Variants in RHBDL2 observed in about 807,000 individuals in gnomAD.
The protein encoded by RHBDL2 is rhomboid like 2.
A neutral mutation model predicts 31.7 loss-of-function variants in RHBDL2; 26 were observed. That is an observed-to-expected ratio of 0.82 (90% confidence interval 0.60 to 1.14). RHBDL2 has a LOEUF of 1.14. Ranked by LOEUF, RHBDL2 falls within the 50% of genes most tolerant of loss-of-function variation. The pLI is 0.00. For synonymous variants in RHBDL2, 123 were observed against 127.2 expected (o/e 0.97, Z 0.22); for missense variants, 336 against 364.4 (o/e 0.92, Z 0.63).
At chr1:38,938,043 T>C (rs1200759326) in intron 1 of RHBDL2, among the ~76,000 whole-genome samples, 1 of 151,430 alleles carries the variant, frequency 6.6e-6, no homozygotes, top group Non-Finnish European at 1.5e-5. Context: ...TTTGAGACAG[T>C]GTCTCACTCT....
At chr1:38,911,274 T>A (rs761736398) in intron 4 of RHBDL2, 48 bp downstream of exon 4, 1 of 1,269,026 alleles carries the variant, frequency 7.9e-7, no homozygotes, top group South Asian at 1.2e-5. Flanking sequence ...TTGCTTTTAA[T>A]CCTAAGAGCC....
rs1361469812 is a variant in RHBDL2, at chr1:38,886,563, A to G, written c.853T>C (p.Tyr285His). The G allele has an allele frequency of 6.2e-7, 1 of 1,605,500 alleles. No individual in the cohort carries two copies. The highest frequency in any genetic ancestry group is 8.5e-7 in the Non-Finnish European group (1 of 1,174,828). ...DPRFWIAIAA[Y>H]LACVLFAVFF... Reference sequence around the variant, plus strand: ...ACAGCAAATAAGACACAAGCTAAATATGCAGCAATTGCTATCCAAAACCTT... The same window carrying G: ...ACAGCAAATAAGACACAAGCTAAATGTGCAGCAATTGCTATCCAAAACCTT... Residue 285 changes from tyrosine (Y) to histidine (H), a missense_variant, in exon 8 of 8, where the codon TAT becomes CAT. Physicochemically the swap from Tyr to His is moderately conservative, Grantham distance 83. Transcript: ENST00000372990.
At chr1:38,901,946 C>T (rs1188334740) in intron 4 of RHBDL2, among the ~76,000 whole-genome samples, 1 of 151,514 alleles carries the variant, frequency 6.6e-6, no homozygotes, top group African/African-American at 2.4e-5. Context: ...AATCCTTTCT[C>T]AATAATTTAT....
intron 1 of RHBDL2, among the ~76,000 whole-genome samples, chr1:38,923,265 C>A (rs1207092985): frequency 6.6e-6 from 1 of 152,116 alleles, no homozygotes; most frequent in African/African-American, 2.4e-5. Flanking sequence ...AGAAATCCAC[C>A]CTTCAAAGGT....
chr1:38,922,604 T>C (rs1285928905), intron 1 of RHBDL2, among the ~76,000 whole-genome samples: 1 of 133,888 alleles, frequency 7.5e-6, no homozygotes, highest in East Asian at 2.1e-4. Context: ...ATCCTCCAAC[T>C]TCCATACCTC....
chr1:38,890,567 G>A (rs569339004), intron 6 of RHBDL2, among the ~76,000 whole-genome samples: 12 of 152,036 alleles, frequency 7.9e-5, no homozygotes, highest in Admixed American at 3.3e-4. Flanking sequence ...GCTTCCTAGG[G>A]GACTTTTCTT....
chr1:38,911,534 T>A, intron 3 of RHBDL2, 100 bp from the exon 4 acceptor site: 2 of 749,254 alleles, frequency 2.7e-6, no homozygotes, highest in Non-Finnish European at 4.5e-6. Flanking sequence ...TAGTTAAGGA[T>A]TTGCTTAACT....
chr1:38,940,575 G>T lies in RHBDL2; in HGVS notation c.-126+1107C>A, dbSNP rs139683155. Among the ~76,000 whole-genome samples, 366 of 152,186 alleles carry T rather than the reference G, an allele frequency of 2.4e-3. 1 individual carries two copies. Among genetic ancestry groups the T allele is most frequent in the African/African-American group, 8.1e-3 (337 of 41,528 alleles). On this transcript the variant is annotated intron_variant, in intron 1 of 7. Coordinates refer to ENST00000372990, the MANE Select transcript of RHBDL2 (RefSeq NM_017821.5). ...CTGCCTACGTGCTTTCAAGGCCAGG[G>T]GTTGTCTAGCATATCTTTACAAGCC...
intron 1 of RHBDL2, among the ~76,000 whole-genome samples, chr1:38,934,995 G>A (rs1256856944): frequency 6.6e-6 from 1 of 151,700 alleles, no homozygotes; most frequent in Non-Finnish European, 1.5e-5. Flanking sequence ...GCTCTGTTCT[G>A]TCTCATACAT....
In RHBDL2 at chr1:38,896,048, A is replaced by G. The variant is rs1167350384; in HGVS notation, c.530T>C (p.Phe177Ser). The G allele has an allele frequency of 6.2e-7, 1 of 1,613,698 alleles. No homozygotes were observed. The change falls in exon 5 of 8, where the codon TTT becomes TCT. Residue 177 changes from phenylalanine to serine, a missense_variant. Phe to Ser is a radical substitution (Grantham distance 155, BLOSUM62 -2). Coordinates refer to ENST00000372990, the MANE Select transcript of RHBDL2 (RefSeq NM_017821.5). ...TCCCACAAGATATCTGAGTGGGTCA[A>G]AGATGGAGCTGGCAAGGGACCCTAA... ...VIAGSLASSI[F>S]DPLRYLVGAS...
At chr1:38,916,078 T>A (rs559868573) in intron 2 of RHBDL2, among the ~76,000 whole-genome samples, 2 of 152,186 alleles carry the variant, frequency 1.3e-5, no homozygotes, top group East Asian at 3.9e-4. Flanking sequence ...GCTATGAAAG[T>A]AGGTCAATGC....
chr1:38,913,198 G>A (rs1384734470), intron 3 of RHBDL2, among the ~76,000 whole-genome samples: 1 of 151,838 alleles, frequency 6.6e-6, no homozygotes, highest in African/African-American at 2.4e-5. Context: ...GGCCAGGCTG[G>A]TCTCAAACTC....
intron 5 of RHBDL2, among the ~76,000 whole-genome samples, chr1:38,894,729 A>G (rs1225874340): frequency 1.3e-5 from 1 of 79,500 alleles, no homozygotes; most frequent in African/African-American, 5.1e-5. Flanking sequence ...TTTTTTTGAG[A>G]CAGAGTCTTG....
chr1:38,922,416 C>T (rs546274362), intron 1 of RHBDL2, among the ~76,000 whole-genome samples: 2 of 78,190 alleles, frequency 2.6e-5, no homozygotes, highest in Non-Finnish European at 4.9e-5. Flanking sequence ...TGCAAGCACA[C>T]ACACCACCAT....
intron 4 of RHBDL2, among the ~76,000 whole-genome samples, chr1:38,909,925 T>C (rs974228726): frequency 3.3e-5 from 5 of 152,142 alleles, no homozygotes; most frequent in African/African-American, 9.7e-5. Flanking sequence ...TTATTCCTAA[T>C]AGCCAAAAAC....
At chr1:38,902,737 A>C (rs951283189) in intron 4 of RHBDL2, among the ~76,000 whole-genome samples, 74 of 151,474 alleles carry the variant, frequency 4.9e-4, no homozygotes, top group African/African-American at 1.7e-3. Flanking sequence ...TTTTTTTTTA[A>C]AGATGGGGTT....
chr1:38,900,226 C>A (rs1458131241), intron 4 of RHBDL2, among the ~76,000 whole-genome samples: 2 of 152,160 alleles, frequency 1.3e-5, no homozygotes, highest in African/African-American at 2.4e-5. Context: ...TCAAAAGCAG[C>A]CTGGCCAACA....
chr1:38,902,074 A>G (rs558249307), intron 4 of RHBDL2, among the ~76,000 whole-genome samples: 22 of 151,884 alleles, frequency 1.4e-4, no homozygotes, highest in African/African-American at 5.3e-4. Context: ...TTTCAAATGT[A>G]CAAAGAACAC....
chr1:38,917,087 A>G (rs1350764073), intron 2 of RHBDL2, among the ~76,000 whole-genome samples: 4 of 134,804 alleles, frequency 3.0e-5, no homozygotes, highest in Non-Finnish European at 6.2e-5. Context: ...GCGTGATCTC[A>G]GCTCACTGCA....
Sources: allele counts gnomAD v4.1 joint callset (sites outside exome capture counted in the v4.1 genomes callset), GRCh38; gene constraint gnomAD v4.1.1; transcripts MANE v1.5; gene names NCBI Gene and HGNC (gene_info 2026-07-23, HGNC 2026-07-21).